ATP13A4: variants seen among roughly 807,000 people sequenced by gnomAD.
ATP13A4 encodes ATPase 13A4.
Under a neutral mutation model 142.5 loss-of-function variants are expected in ATP13A4, and 114 were observed. That is an observed-to-expected ratio of 0.80 (90% CI 0.69 to 0.93). The LOEUF is 0.93. Among genes scored for constraint, ATP13A4 ranks in the 40% least tolerant of loss-of-function variants. The probability of loss-of-function intolerance (pLI) is 0.00; values close to 1 mark genes in which losing one functional copy is unlikely to be tolerated. For synonymous variants in ATP13A4, 488 were observed against 514.8 expected (o/e 0.95, Z 0.70); for missense variants, 1,392 against 1,454.0 (o/e 0.96, Z 0.69).
intron 2 of ATP13A4, among the ~76,000 whole-genome samples, chr3:193,567,967 C>CTT (rs372559725): frequency 1.4e-5 from 2 of 147,282 alleles, no homozygotes; most frequent in African/African-American, 5.0e-5. Flanking sequence ...CTTTTCTTTT[C>CTT]TTTTTTTTTT....
chr3:193,453,647 T>C (rs1717410109), intron 17 of ATP13A4, among the ~76,000 whole-genome samples: 1 of 152,212 alleles, frequency 6.6e-6, no homozygotes, highest in South Asian at 2.1e-4. Flanking sequence ...TCATCTAAGC[T>C]GTATTTATTT....
chr3:193,501,311 G>T (rs1720526740), intron 3 of ATP13A4, among the ~76,000 whole-genome samples: 4 of 152,158 alleles, frequency 2.6e-5, no homozygotes, highest in African/African-American at 9.6e-5. Context: ...GAGTGGGTGG[G>T]GTGCAGTGGC....
At chr3:193,407,260 AC>A in intron 29 of ATP13A4, 52 bp downstream of exon 29, 2 of 1,504,772 alleles carry the variant, frequency 1.3e-6, no homozygotes, top group Non-Finnish European at 1.8e-6. Context: ...AAGTCCCCCT[AC>A]ACACATGCGT....
chr3:193,593,023 G>A (rs1292203315), exon 1 of ATP13A4: 1 of 296,820 alleles, frequency 3.4e-6, no homozygotes, highest in Non-Finnish European at 6.2e-6. Flanking sequence ...TCTCTAACCT[G>A]CAAGGCTAAT....
At chr3:193,550,414 T>C (rs565389642) in intron 1 of ATP13A4, among the ~76,000 whole-genome samples, 1 of 150,172 alleles carries the variant, frequency 6.7e-6, no homozygotes, top group East Asian at 2.0e-4. Context: ...CAAAGCGAGC[T>C]TCCCACCTGA....
intron 1 of ATP13A4, among the ~76,000 whole-genome samples, chr3:193,531,296 GAGGAAGGA>G (rs772860170): frequency 0.04 from 2,959 of 73,912 alleles, 172 homozygotes; most frequent in African/African-American, 0.13. Flanking sequence ...GGGAGGGAGG[GAGGAAGGA>G]AGGAAGGAAG....
intron 12 of ATP13A4, among the ~76,000 whole-genome samples, 192 bp from the exon 13 acceptor site, chr3:193,463,015 G>A (rs1269034796): frequency 2.0e-5 from 3 of 150,874 alleles, no homozygotes; most frequent in East Asian, 1.9e-4. Context: ...GCCCCATAGC[G>A]AAGACTCCGT....
chr3:193,445,712 A>G (rs960405735), intron 18 of ATP13A4, among the ~76,000 whole-genome samples: 1 of 152,002 alleles, frequency 6.6e-6, no homozygotes, highest in Non-Finnish European at 1.5e-5. Context: ...AGCCGAGATC[A>G]GGTCACTGCA....
At chr3:193,561,904 C>T (rs542080031) in intron 2 of ATP13A4, among the ~76,000 whole-genome samples, 2 of 152,302 alleles carry the variant, frequency 1.3e-5, no homozygotes, top group African/African-American at 4.8e-5. Context: ...AACACGCAAC[C>T]GGACTACCTA....
rs1031191196 is a variant in ATP13A4, at chr3:193,404,326, T to C, written c.3379-1462A>G. 2.0e-4 allele frequency among the ~76,000 whole-genome samples: 30 copies of C among 152,216 alleles called. 1 individual carries two copies. Among genetic ancestry groups the C allele is most frequent in the African/African-American group, 5.5e-4 (23 of 41,458 alleles). Reference sequence around the variant, plus strand: ...TCTCTACATCTTGCCTTCAGTGTTTTTTAGTTCTGGACTCTGATGACCTGT... The same window carrying C: ...TCTCTACATCTTGCCTTCAGTGTTTCTTAGTTCTGGACTCTGATGACCTGT... On this transcript the variant is annotated intron_variant, in intron 29 of 29. Transcript: ENST00000342695.
At chr3:193,518,671 C>T (rs945404210) in intron 1 of ATP13A4, among the ~76,000 whole-genome samples, 6 of 152,144 alleles carry the variant, frequency 3.9e-5, no homozygotes, top group African/African-American at 9.7e-5. Flanking sequence ...GAGTGTGTCA[C>T]GAACCAAAGA....
intron 1 of ATP13A4, among the ~76,000 whole-genome samples, chr3:193,533,236 A>C (rs1334335440): frequency 6.6e-6 from 1 of 152,116 alleles, no homozygotes; most frequent in Non-Finnish European, 1.5e-5. Flanking sequence ...ATTTTTAAGT[A>C]AATAAATAAA....
At chr3:193,495,140 AT>A (rs1184066429) in intron 3 of ATP13A4, among the ~76,000 whole-genome samples, 1 of 152,124 alleles carries the variant, frequency 6.6e-6, no homozygotes, top group Non-Finnish European at 1.5e-5. Flanking sequence ...TCAGTACCTG[AT>A]GGCTTCACTG....
chr3:193,549,871 T>A (rs973354381), intron 1 of ATP13A4, among the ~76,000 whole-genome samples: 2 of 152,202 alleles, frequency 1.3e-5, no homozygotes, highest in African/African-American at 4.8e-5. Flanking sequence ...AGTATATGTA[T>A]ATTTTTTAAG....
At chr3:193,496,495 A>G (rs1384381238) in intron 3 of ATP13A4, among the ~76,000 whole-genome samples, 1 of 152,174 alleles carries the variant, frequency 6.6e-6, no homozygotes, top group African/African-American at 2.4e-5. Context: ...TTAATAAACA[A>G]TGCTAAGATA....
chr3:193,411,213 T>C, intron 27 of ATP13A4, 143 bp from the exon 28 acceptor site: 1 of 690,900 alleles, frequency 1.4e-6, no homozygotes, highest in Non-Finnish European at 2.6e-6. Context: ...TATTCATTTC[T>C]AAGCAATGGG....
At chr3:193,413,129 A>G (rs1487927018) in intron 26 of ATP13A4, among the ~76,000 whole-genome samples, 6 of 152,186 alleles carry the variant, frequency 3.9e-5, no homozygotes, top group Non-Finnish European at 4.4e-5. Context: ...TCATTTTAAT[A>G]TGGACATTTA....
At chr3:193,417,374 T>C (rs777726834) in intron 25 of ATP13A4, among the ~76,000 whole-genome samples, 36 of 152,194 alleles carry the variant, frequency 2.4e-4, no homozygotes, top group Admixed American at 8.5e-4. Flanking sequence ...ACTTTATATA[T>C]CCATGTTATT....
intron 25 of ATP13A4, among the ~76,000 whole-genome samples, chr3:193,415,485 C>G (rs1036802394): frequency 6.6e-6 from 1 of 152,216 alleles, no homozygotes; most frequent in Non-Finnish European, 1.5e-5. Context: ...TCTACTTGCA[C>G]TTGATCCACC....
Sources: gnomAD v4.1 joint callset for allele counts (sites outside exome capture counted in the v4.1 genomes callset) on GRCh38, gnomAD v4.1.1 for gene constraint, MANE v1.5 for transcripts, NCBI Gene and HGNC (gene_info 2026-07-23, HGNC 2026-07-21) for gene names.